CWF19L2: variants seen among roughly 807,000 people sequenced by gnomAD.
CWF19L2 encodes the protein CWF19-like protein 2.
A neutral mutation model predicts 111.7 loss-of-function variants in CWF19L2; 98 were observed. That is an observed-to-expected ratio of 0.88 (90% CI 0.75 to 1.04). The LOEUF is 1.04. Among genes scored for constraint, CWF19L2 ranks in the 50% least tolerant of loss-of-function variants. The pLI, the probability that CWF19L2 is intolerant of heterozygous loss-of-function variation, is 0.00. For missense variants in CWF19L2, 1,101 were observed against 1,051.4 expected (o/e 1.05, Z -0.65); for synonymous variants, 351 against 342.9 (o/e 1.02, Z -0.26).
chr11:107,442,861 A>C, intron 4 of CWF19L2, 78 bp downstream of exon 4: 1 of 634,094 alleles, frequency 1.6e-6, no homozygotes, highest in East Asian at 3.1e-5. Context: ...GGAGGGATAG[A>C]GAGGGAAGGA....
intron 15 of CWF19L2, among the ~76,000 whole-genome samples, chr11:107,335,867 C>T (rs1421135337): frequency 1.3e-5 from 2 of 152,104 alleles, no homozygotes; most frequent in East Asian, 1.9e-4. Flanking sequence ...GCACCAGTTG[C>T]TTGGCTTGAC....
At chr11:107,355,452 C>CAAA (rs1232754245) in intron 12 of CWF19L2, among the ~76,000 whole-genome samples, 3 of 150,928 alleles carry the variant, frequency 2.0e-5, no homozygotes, top group Non-Finnish European at 4.4e-5. Flanking sequence ...ACAACAACAA[C>CAAA]AACAAAAAAC....
rs551220232 is a variant in CWF19L2 at position 107,408,881 on chromosome 11, G to A, written c.1617+7328C>T. On this transcript the variant is annotated intron_variant, in intron 10 of 17. Transcript: ENST00000282251. Reference sequence around the variant, plus strand: ...AGAATAAATGCAAAGCTACAATAATGTTTACTTTAGATTTAAAATATTTGA... The same window carrying A: ...AGAATAAATGCAAAGCTACAATAATATTTACTTTAGATTTAAAATATTTGA... 2.6e-5 allele frequency among the ~76,000 whole-genome samples: 4 copies of A among 152,064 alleles called. No homozygotes were observed. The East Asian group carries it at 7.7e-4, about 29-fold the overall frequency.
At chr11:107,448,534 A>G (rs1055905903) in intron 3 of CWF19L2, among the ~76,000 whole-genome samples, 2 of 152,112 alleles carry the variant, frequency 1.3e-5, no homozygotes, top group African/African-American at 2.4e-5. Context: ...AATACTTCGA[A>G]AAAAGCCTGA....
chr11:107,349,062 G>T lies in CWF19L2; in HGVS notation c.2086-9C>A. The T allele has an allele frequency of 7.1e-7, 1 of 1,400,696 alleles. No homozygotes were observed. The highest frequency in any genetic ancestry group is 1.2e-5 in the South Asian group (1 of 80,736). 86.8% of individuals were successfully genotyped at this position (1,400,696 alleles called of 1,614,324 possible). ...GGTAAACATAAATAAACCTATAAGA[G>T]AGAAATACAAAAGGTGAAATGTTAT... is the stretch of plus-strand genomic sequence containing the variant. On this transcript the variant is annotated splice_polypyrimidine_tract_variant and intron_variant, in intron 13 of 17. Coordinates refer to ENST00000282251, the MANE Select transcript of CWF19L2 (RefSeq NM_152434.3).
chr11:107,403,723 C>T lies in CWF19L2; in HGVS notation c.1618-10828G>A, dbSNP rs1339784428. 2.8e-5 allele frequency: 24 copies of T among 847,722 alleles called. No individual in the cohort carries two copies. The South Asian group carries it at 2.9e-4, about 10-fold the overall frequency. 52.5% of individuals were successfully genotyped at this position (847,722 alleles called of 1,614,324 possible). A position where few individuals can be genotyped will look rare whatever the true frequency, so the allele number is the denominator to read the frequency against. On this transcript the variant is annotated intron_variant, in intron 10 of 17. Transcript: ENST00000282251. ...ACTCGGCTTGCTCTGCCGCCTCCTTCTCCCTTTCCTCCTGCTTTTTGCCGG... is the reference window on the plus strand; with the variant it reads ...ACTCGGCTTGCTCTGCCGCCTCCTTTTCCCTTTCCTCCTGCTTTTTGCCGG...
intron 10 of CWF19L2, among the ~76,000 whole-genome samples, chr11:107,402,873 G>GTGTGTATGTATGTATATA (rs1247886311): frequency 1.1e-5 from 1 of 94,468 alleles, no homozygotes. Context: ...ACTGTGGTGT[G>GTGTGTATGTATGTATATA]TATATATATA....
chr11:107,442,784 AAGGAAGGAAGGGAGGGAGGGAGGG>A (rs1363148847), intron 4 of CWF19L2, among the ~76,000 whole-genome samples, 131 bp downstream of exon 4: 1,687 of 46,044 alleles, frequency 0.037, 62 homozygotes, highest in East Asian at 0.092. Context: ...GGAAGGAAGG[AAGGAAGGAAGGGAGGGAGGGAGGG>A]AGGGAGGGAG....
At chr11:107,349,963 C>T (rs1860134457) in intron 13 of CWF19L2, among the ~76,000 whole-genome samples, 1 of 151,968 alleles carries the variant, frequency 6.6e-6, no homozygotes, top group East Asian at 1.9e-4. Context: ...TACATAATCA[C>T]TGAGATAAAG....
chr11:107,353,798 G>A, intron 12 of CWF19L2, 62 bp from the exon 13 acceptor site: 1 of 1,222,494 alleles, frequency 8.2e-7, no homozygotes, highest in Non-Finnish European at 1.2e-6. Context: ...TTACTGCACT[G>A]TGGTATCCTA....
chr11:107,394,957 T>C (rs1394291600), intron 10 of CWF19L2, among the ~76,000 whole-genome samples: 1 of 152,194 alleles, frequency 6.6e-6, no homozygotes, highest in African/African-American at 2.4e-5. Flanking sequence ...CCATCCCAAG[T>C]CCAATAATTA....
intron 8 of CWF19L2, among the ~76,000 whole-genome samples, chr11:107,423,239 A>C (rs1325224416): frequency 2.0e-5 from 3 of 151,970 alleles, no homozygotes; most frequent in Non-Finnish European, 2.9e-5. Flanking sequence ...AACTAATCAT[A>C]TCTCTCTTTT....
At chr11:107,409,461 A>G (rs1201832188) in intron 10 of CWF19L2, among the ~76,000 whole-genome samples, 7 of 152,102 alleles carry the variant, frequency 4.6e-5, no homozygotes, top group Non-Finnish European at 5.9e-5. Context: ...CTACTACACC[A>G]TTAGGCAAAC....
chr11:107,424,594 G>T (rs1176893974), intron 8 of CWF19L2, among the ~76,000 whole-genome samples: 1 of 151,796 alleles, frequency 6.6e-6, no homozygotes, highest in Non-Finnish European at 1.5e-5. Context: ...GAAGGGCAAT[G>T]AAGGTAGGCT....
chr11:107,386,005 A>T (rs1217628241), intron 12 of CWF19L2, among the ~76,000 whole-genome samples: 1 of 152,184 alleles, frequency 6.6e-6, no homozygotes, highest in East Asian at 1.9e-4. Context: ...ATGTCTATCA[A>T]TTATACTTTA....
intron 5 of CWF19L2, among the ~76,000 whole-genome samples, 196 bp downstream of exon 5, chr11:107,441,307 G>A (rs564790888): frequency 1.4e-4 from 22 of 152,138 alleles, no homozygotes; most frequent in African/African-American, 5.1e-4. Context: ...TATAAATCTA[G>A]TAAACCTTTA....
rs139912176 is a variant in CWF19L2, at chr11:107,336,625, T to C, written c.2291A>G (p.Tyr764Cys). The change falls in exon 15 of 18, where the codon TAT (tyrosine) becomes TGT (cysteine). Residue 764 changes from tyrosine (Y) to cysteine (C), a missense_variant. Transcript: ENST00000282251. ...AGGAATACATTCATAAACCATGTGA[T>C]ACTGTTTCTTCATGCTCATATTAGT... ...LETNMSMKKQYHMVYECIPLP... is the reference protein window; with the variant it reads ...LETNMSMKKQCHMVYECIPLP... The C allele has an allele frequency of 1.5e-4, 237 of 1,606,474 alleles. No homozygotes were observed. The African/African-American group carries it at 2.9e-3, about 20-fold the overall frequency.
At chr11:107,403,487 C>T in intron 10 of CWF19L2, 1 of 838,708 alleles carries the variant, frequency 1.2e-6, no homozygotes, top group South Asian at 1.3e-5. Context: ...GTTACTATCA[C>T]TGGTTCCTTC....
At chr11:107,329,326 T>G (rs1859808630) in intron 17 of CWF19L2, among the ~76,000 whole-genome samples, 1 of 148,444 alleles carries the variant, frequency 6.7e-6, no homozygotes, top group Non-Finnish European at 1.5e-5. Context: ...AAGATCTGTA[T>G]GCTAATATCT....
Sources: gnomAD v4.1 joint callset for allele counts (sites outside exome capture counted in the v4.1 genomes callset) on GRCh38, gnomAD v4.1.1 for gene constraint, MANE v1.5 for transcripts, NCBI Gene and HGNC (gene_info 2026-07-23, HGNC 2026-07-21) for gene names.